FAM222A: variants seen among roughly 807,000 people sequenced by gnomAD.
The protein encoded by FAM222A is protein FAM222A.
A neutral mutation model predicts 25.8 loss-of-function variants in FAM222A; 7 were observed. That is an observed-to-expected ratio of 0.27 (90% CI 0.15 to 0.51). FAM222A has a LOEUF of 0.51. FAM222A is among the 20% of genes least tolerant of loss of function. The pLI is 0.97. For synonymous variants in FAM222A, 294 were observed against 298.8 expected, an observed-to-expected ratio of 0.98 and a Z score of 0.17; for missense variants, 573 against 640.5, an observed-to-expected ratio of 0.89 and a Z score of 1.14.
At chr12:109,747,505 A>C (rs1707115660) in intron 2 of FAM222A, among the ~76,000 whole-genome samples, 1 of 152,198 alleles carries the variant, frequency 6.6e-6, no homozygotes, top group East Asian at 1.9e-4. Context: ...GAATCAATTT[A>C]TCTAGGTCAA....
chr12:109,768,805 G>GC lies in FAM222A; in HGVS notation c.881dup (p.Pro295ThrfsTer20). The GC allele has an allele frequency of 6.4e-7, 1 of 1,571,680 alleles. No individual in the cohort carries two copies. The highest frequency in any genetic ancestry group is 8.6e-7 in the Non-Finnish European group (1 of 1,164,998). ...ATTACCTGCTGTGGCCGCAGAAACC[G>GC]CCCCCACCGCCGCCCCAGCCACTGC... is the stretch of plus-strand genomic sequence containing the variant. On this transcript the variant is annotated frameshift_variant, in exon 3 of 3. Coordinates refer to ENST00000538780, the MANE Select transcript of FAM222A (RefSeq NM_032829.3). LOFTEE classifies it high-confidence loss of function.
chr12:109,724,821 C>T (rs548442226), intron 1 of FAM222A, among the ~76,000 whole-genome samples: 55 of 152,172 alleles, frequency 3.6e-4, no homozygotes, highest in African/African-American at 1.2e-3. Context: ...AATTGGAACA[C>T]CCAATGTTGA....
At chr12:109,759,459 G>C (rs1888827550) in intron 2 of FAM222A, among the ~76,000 whole-genome samples, 1 of 152,192 alleles carries the variant, frequency 6.6e-6, no homozygotes, top group African/African-American at 2.4e-5. Flanking sequence ...GCTTCTGGAA[G>C]GCCCGCTCTT....
rs776073980 is a variant in FAM222A at position 109,768,342 on chromosome 12, C to T, written c.413C>T (p.Pro138Leu). The change falls in exon 3 of 3, where the codon CCG becomes CTG. Residue 138 changes from proline (P) to leucine (L), a missense_variant. This residue lies in a region of FAM222A where 412 missense variants were observed against 407.0 expected (regional missense o/e 1.01). Transcript: ENST00000538780. The part of the protein sequence containing the change: ...SAEGKRTKLS[P>L]AAVQVGIAPY... ...GAGGGCAAGCGGACCAAGCTGTCAC[C>T]GGCCGCCGTGCAGGTGGGCATTGCG... 8.1e-6 allele frequency: 13 copies of T among 1,595,428 alleles called. No homozygotes were observed. The highest frequency in any genetic ancestry group is 5.1e-5 in the Admixed American group (3 of 58,292).
At chr12:109,755,177 T>C (rs1303125919) in intron 2 of FAM222A, among the ~76,000 whole-genome samples, 1 of 152,172 alleles carries the variant, frequency 6.6e-6, no homozygotes. Context: ...CTTGTATTTT[T>C]GGTGTTTTTG....
chr12:109,725,816 C>G (rs1164416938), intron 1 of FAM222A, among the ~76,000 whole-genome samples: 2 of 152,048 alleles, frequency 1.3e-5, no homozygotes, highest in Non-Finnish European at 2.9e-5. Context: ...TGTTTCGTCT[C>G]ATTTGTCAGC....
intron 2 of FAM222A, among the ~76,000 whole-genome samples, chr12:109,752,956 TG>T (rs1341462969): frequency 6.6e-6 from 1 of 152,150 alleles, no homozygotes; most frequent in Admixed American, 6.5e-5. Context: ...CCTAGGTGAC[TG>T]GGAAAAGTGA....
chr12:109,744,542 G>A lies in FAM222A; in HGVS notation c.82+314G>A, dbSNP rs575177050. 18 of 985,420 alleles carry A rather than the reference G, an allele frequency of 1.8e-5. No homozygotes were observed. In the African/African-American group the frequency reaches 3.1e-4, roughly 17 times the overall value. The allele number at this position is 985,420 out of a possible 1,614,324, so 61.0% of individuals were successfully genotyped here. A position where few individuals can be genotyped will look rare whatever the true frequency, so the allele number is the denominator to read the frequency against. On this transcript the variant is annotated intron_variant, in intron 2 of 2. Transcript: ENST00000538780. The stretch of plus-strand genomic sequence containing the variant: ...TCACCACCATTATCTAGCCATGTGT[G>A]TCTCCCTTACCACCATTAAAGTAGG...
In FAM222A at chr12:109,714,078, T is replaced by G. The variant is rs1328422466; in HGVS notation, c.-866T>G. ...AGCGCGCGCGGCCCCTGCTGCGGCTTGCGAGCTCGCACACCCGGTGCACAG... is the reference window on the plus strand; with the variant it reads ...AGCGCGCGCGGCCCCTGCTGCGGCTGGCGAGCTCGCACACCCGGTGCACAG... On this transcript the variant is annotated 5_prime_UTR_variant, in exon 1 of 3. Transcript: ENST00000538780. This position sits in a 1 kb window ranked among gnomAD's most constrained non-coding sequence, Gnocchi z 4.2. 6.6e-6 allele frequency: 1 copy of G among 151,412 alleles called. No individual in the cohort carries two copies. Among genetic ancestry groups the G allele is most frequent in the Non-Finnish European group, 1.5e-5 (1 of 67,480 alleles). The allele number at this position is 151,412 out of a possible 1,614,324, so 9.4% of individuals were successfully genotyped here. A position where few individuals can be genotyped will look rare whatever the true frequency, so the allele number is the denominator to read the frequency against.
intron 2 of FAM222A, among the ~76,000 whole-genome samples, chr12:109,746,309 T>C (rs972499603): frequency 2.6e-4 from 40 of 152,016 alleles, no homozygotes; most frequent in African/African-American, 8.9e-4. Context: ...GCCAACATAG[T>C]GAAACCCCAA....
intron 1 of FAM222A, among the ~76,000 whole-genome samples, chr12:109,735,319 C>T (rs1225911341): frequency 6.6e-6 from 1 of 152,228 alleles, no homozygotes; most frequent in Non-Finnish European, 1.5e-5. Context: ...TGGTCCTGGA[C>T]AGCTCCCTTC....
rs79746358 is a variant in FAM222A at position 109,768,092 on chromosome 12, A to G, written c.163A>G (p.Asn55Asp). The G allele has an allele frequency of 2.5e-6, 4 of 1,613,958 alleles. No individual in the cohort carries two copies. In the East Asian group the frequency reaches 8.9e-5, roughly 36 times the overall value. The change falls in exon 3 of 3, where the codon AAC becomes GAC. Residue 55 changes from asparagine to aspartate, a missense_variant. Coordinates refer to ENST00000538780, the MANE Select transcript of FAM222A (RefSeq NM_032829.3). ...ELDAYAEKVA[N>D]SPLSIKIFPT... Reference sequence around the variant, plus strand: ...GGACGCCTATGCCGAGAAGGTGGCCAACAGCCCGCTGTCCATCAAGATCTT... The same window carrying G: ...GGACGCCTATGCCGAGAAGGTGGCCGACAGCCCGCTGTCCATCAAGATCTT...
chr12:109,767,794 G>C (rs1466621118), intron 2 of FAM222A, among the ~76,000 whole-genome samples: 1 of 152,204 alleles, frequency 6.6e-6, no homozygotes, highest in Non-Finnish European at 1.5e-5. Context: ...CCTGGCCTGG[G>C]TACCATAAAA....
At chr12:109,724,853 T>C (rs887423775) in intron 1 of FAM222A, among the ~76,000 whole-genome samples, 2 of 152,006 alleles carry the variant, frequency 1.3e-5, no homozygotes, top group African/African-American at 4.8e-5. Flanking sequence ...AACGAGTGAG[T>C]GAAGGAATGC....
chr12:109,728,664 GC>G (rs1887885194), intron 1 of FAM222A, among the ~76,000 whole-genome samples: 1 of 152,164 alleles, frequency 6.6e-6, no homozygotes, highest in South Asian at 2.1e-4. Flanking sequence ...CACCTCCAGA[GC>G]CCCACCCAAG....
At chr12:109,725,421 T>C (rs1592778691) in intron 1 of FAM222A, among the ~76,000 whole-genome samples, 1 of 86,876 alleles carries the variant, frequency 1.2e-5, no homozygotes, top group South Asian at 4.2e-4. Flanking sequence ...TCTTCTCTCT[T>C]CTCCCTCTCC....
chr12:109,744,846 G>C (rs1888351382), intron 2 of FAM222A: 1 of 907,908 alleles, frequency 1.1e-6, no homozygotes, highest in Non-Finnish European at 1.3e-6. Flanking sequence ...AAAAACAGAG[G>C]CTCTGGTAAC....
intron 1 of FAM222A, among the ~76,000 whole-genome samples, chr12:109,738,324 T>A (rs1888141440): frequency 6.6e-6 from 1 of 152,198 alleles, no homozygotes; most frequent in South Asian, 2.1e-4. Context: ...AGTGACCCAT[T>A]TAGGGCCACA....
Position 109,769,119 on chromosome 12 carries a change from G to GCAACACATC in FAM222A, c.1191_1199dup (p.Asn398_Ser400dup). ...TCGGGCCTGCCCAGCAAGAGTGTGT[G>GCAACACATC]CAACACATCGGTGCTGAGCAGCAGC... On this transcript the variant is annotated inframe_insertion, in exon 3 of 3. Transcript: ENST00000538780. 1 of 1,611,776 alleles carries GCAACACATC rather than the reference G, an allele frequency of 6.2e-7. No individual in the cohort carries two copies. The highest frequency in any genetic ancestry group is 8.5e-7 in the Non-Finnish European group (1 of 1,179,560).
Sources: gnomAD v4.1 joint callset for allele counts (sites outside exome capture counted in the v4.1 genomes callset) on GRCh38, gnomAD v4.1.1 for gene constraint, gnomAD v4.1.1 regional missense constraint, Gnocchi (gnomAD v3.1) non-coding constraint, MANE v1.5 for transcripts, NCBI Gene and HGNC (gene_info 2026-07-23, HGNC 2026-07-21) for gene names.